Variants in ADAM22 observed in about 807,000 individuals in gnomAD.
ADAM22 encodes disintegrin and metalloproteinase domain-containing protein 22.
ADAM22 carries 65 observed loss-of-function variants against 144.6 expected under a neutral mutation model. The observed-to-expected ratio is 0.45, with a 90% CI of 0.37 to 0.55. The LOEUF is 0.55. ADAM22 is among the 20% of genes least tolerant of loss of function. The pLI, the probability that ADAM22 is intolerant of heterozygous loss-of-function variation, is 0.00. For missense variants in ADAM22, 974 were observed against 1,184.9 expected, an observed-to-expected ratio of 0.82 and a Z score of 2.61; for synonymous variants, 391 against 412.6, an observed-to-expected ratio of 0.95 and a Z score of 0.63.
Position 88,182,185 on chromosome 7 carries a change from C to T in ADAM22, c.2663+161C>T. The T allele has an allele frequency of 1.5e-5, 9 of 619,626 alleles. No individual in the cohort carries two copies. In the South Asian group the frequency reaches 1.7e-4, roughly 12 times the overall value. 38.4% of individuals were successfully genotyped at this position (619,626 alleles called of 1,614,324 possible). A position where few individuals can be genotyped will look rare whatever the true frequency, so the allele number is the denominator to read the frequency against. On this transcript the variant is annotated intron_variant, in intron 29 of 31. Coordinates refer to ENST00000413139, the MANE Select transcript of ADAM22 (RefSeq NM_001324418.2). Reference sequence around the variant, plus strand: ...CCTTTAAAAATTAACCATGGCTTTTCTCTCTTACATAGGCATCTCCACAAC... The same window carrying T: ...CCTTTAAAAATTAACCATGGCTTTTTTCTCTTACATAGGCATCTCCACAAC...
At chr7:88,075,000 A>C (rs1813868449) in intron 3 of ADAM22, among the ~76,000 whole-genome samples, 1 of 152,188 alleles carries the variant, frequency 6.6e-6, no homozygotes, top group Admixed American at 6.5e-5. Context: ...AAAATATTTT[A>C]CGGAAGTTGT....
At chr7:88,109,564 A>G (rs919326772) in intron 5 of ADAM22, among the ~76,000 whole-genome samples, 2 of 152,082 alleles carry the variant, frequency 1.3e-5, no homozygotes, top group Non-Finnish European at 2.9e-5. Context: ...GTGGCTTTTC[A>G]TCTAACAAGC....
intron 2 of ADAM22, among the ~76,000 whole-genome samples, chr7:87,958,670 C>A (rs912010906): frequency 2.0e-5 from 3 of 152,172 alleles, no homozygotes; most frequent in Admixed American, 6.5e-5. Flanking sequence ...AGGGGTGAAC[C>A]ACCGTGCCCG....
rs112404863 is a variant in ADAM22, at chr7:87,963,390, G to A, written c.247-14946G>A. On this transcript the variant is annotated intron_variant, in intron 2 of 31. Transcript: ENST00000413139. ...TCATTTGATAAATTAAATAAAAAGTGACCTCCGTGTTACTTTGAAAGTATT... is the reference window on the plus strand; with the variant it reads ...TCATTTGATAAATTAAATAAAAAGTAACCTCCGTGTTACTTTGAAAGTATT... 5.7e-3 allele frequency among the ~76,000 whole-genome samples: 873 copies of A among 152,150 alleles called. 4 individuals are homozygous for A. Among genetic ancestry groups the A allele is most frequent in the African/African-American group, 0.02 (843 of 41,502 alleles).
intron 3 of ADAM22, among the ~76,000 whole-genome samples, chr7:88,070,713 C>T (rs1812517649): frequency 6.6e-6 from 1 of 151,836 alleles, no homozygotes; most frequent in African/African-American, 2.4e-5. Context: ...ATTGAATGTT[C>T]GGATTTGACT....
At chr7:88,118,637 A>ATC (rs770752628) in intron 7 of ADAM22, among the ~76,000 whole-genome samples, 355 of 100,594 alleles carry the variant, frequency 3.5e-3, no homozygotes, top group Non-Finnish European at 5.7e-3. Context: ...ATATAACCTT[A>ATC]TATATCTATC....
chr7:87,992,027 C>A (rs1790024946), intron 3 of ADAM22, among the ~76,000 whole-genome samples: 1 of 152,164 alleles, frequency 6.6e-6, no homozygotes, highest in Non-Finnish European at 1.5e-5. Context: ...GAAATGCTCT[C>A]TGTGTTCAAG....
chr7:87,967,390 A>C (rs1849380586), intron 2 of ADAM22, among the ~76,000 whole-genome samples: 1 of 152,176 alleles, frequency 6.6e-6, no homozygotes, highest in South Asian at 2.1e-4. Flanking sequence ...TTGGAGGCCA[A>C]AGTAGAAAGA....
At position 88,147,870 on chromosome 7, in the gene ADAM22, A is replaced by T. The variant is rs552012212; in HGVS notation, c.1486-1107A>T. ...CAAGGAAGAAGAGAAACGTGAAATT[A>T]AATTTTCTTATTTCCTTATTTTTAA... On this transcript the variant is annotated intron_variant, in intron 17 of 31. Transcript: ENST00000413139. 3.3e-5 allele frequency among the ~76,000 whole-genome samples: 5 copies of T among 152,328 alleles called. No homozygotes were observed. The South Asian group carries it at 1.0e-3, about 32-fold the overall frequency.
chr7:88,026,020 C>T lies in ADAM22; in HGVS notation c.323+47608C>T, dbSNP rs551051181. 9.7e-4 allele frequency among the ~76,000 whole-genome samples: 147 copies of T among 152,170 alleles called. 1 individual carries two copies. The highest frequency in any genetic ancestry group is 3.3e-3 in the African/African-American group (139 of 41,532). The stretch of plus-strand genomic sequence containing the variant: ...TGTGTGTCCTCTTCAATTTCTTTGA[C>T]AAATGTTTTATACTTTTTATTGTAG... On this transcript the variant is annotated intron_variant, in intron 3 of 31. Coordinates refer to ENST00000413139, the MANE Select transcript of ADAM22 (RefSeq NM_001324418.2).
chr7:88,196,291 G>A (rs1850653566), intron 31 of ADAM22, among the ~76,000 whole-genome samples, 180 bp from the exon 32 acceptor site: 1 of 152,332 alleles, frequency 6.6e-6, no homozygotes, highest in South Asian at 2.1e-4. Context: ...CACAGGTTTT[G>A]AGGAAACAGA....
chr7:88,162,495 A>T (rs916220518), intron 22 of ADAM22, among the ~76,000 whole-genome samples: 1 of 152,138 alleles, frequency 6.6e-6, no homozygotes, highest in Non-Finnish European at 1.5e-5. Context: ...ATAAAAGTTT[A>T]AAAAATGGTG....
intron 3 of ADAM22, among the ~76,000 whole-genome samples, chr7:87,997,031 G>A (rs1791399079): frequency 6.6e-6 from 1 of 152,198 alleles, no homozygotes; most frequent in African/African-American, 2.4e-5. Flanking sequence ...GGGTTGCCAT[G>A]AGGTCACCTG....
At chr7:88,034,814 A>C (rs1271570433) in intron 3 of ADAM22, among the ~76,000 whole-genome samples, 1 of 152,106 alleles carries the variant, frequency 6.6e-6, no homozygotes, top group Admixed American at 6.5e-5. Flanking sequence ...ATTCCAACGC[A>C]AAGTCCCACA....
intron 3 of ADAM22, among the ~76,000 whole-genome samples, chr7:88,074,228 G>A (rs1305971974): frequency 6.6e-6 from 1 of 152,124 alleles, no homozygotes; most frequent in African/African-American, 2.4e-5. Context: ...TGGATATTTA[G>A]TGCCTCTTAT....
rs149478248 is a variant in ADAM22, at chr7:88,121,604, TCA to T, written c.608-3982_608-3981del. 1.9e-3 allele frequency among the ~76,000 whole-genome samples: 285 copies of T among 152,252 alleles called. 3 individuals carry two copies. Among genetic ancestry groups the T allele is most frequent in the African/African-American group, 6.5e-3 (268 of 41,544 alleles). ...GGGAAGGATTAGCTTCTGAGCTCAC[TCA>T]CATAATTGTTGTCAGGCCTCAGTAC... On this transcript the variant is annotated intron_variant, in intron 7 of 31. Transcript: ENST00000413139.
At chr7:88,145,072 T>A in intron 15 of ADAM22, 53 bp from the exon 16 acceptor site, 7 of 1,534,856 alleles carry the variant, frequency 4.6e-6, no homozygotes, top group Non-Finnish European at 6.3e-6. Flanking sequence ...TCTCTCAAAG[T>A]CTTTGATGTT....
At chr7:88,113,537 C>G (rs1826620348) in intron 5 of ADAM22, among the ~76,000 whole-genome samples, 1 of 150,118 alleles carries the variant, frequency 6.7e-6, no homozygotes, top group African/African-American at 2.5e-5. Flanking sequence ...AGAGTAAAAG[C>G]CAAGGCCCTA....
In ADAM22 at chr7:88,176,004, G is replaced by A. The variant is rs903092990; in HGVS notation, c.2301-2931G>A. 5.3e-5 allele frequency among the ~76,000 whole-genome samples: 8 copies of A among 152,006 alleles called. 1 individual carries two copies. The South Asian group carries it at 1.0e-3, about 20-fold the overall frequency. On this transcript the variant is annotated intron_variant, in intron 26 of 31. Transcript: ENST00000413139. Reference sequence around the variant, plus strand: ...TATTATTTTTTTGAGATGGAGTTTCGCTCTGTCACCCAAGCTGGAGTGCAG... The same window carrying A: ...TATTATTTTTTTGAGATGGAGTTTCACTCTGTCACCCAAGCTGGAGTGCAG...
Sources: gnomAD v4.1 joint callset for allele counts (sites outside exome capture counted in the v4.1 genomes callset) on GRCh38, gnomAD v4.1.1 for gene constraint, MANE v1.5 for transcripts, NCBI Gene and HGNC (gene_info 2026-07-23, HGNC 2026-07-21) for gene names.